TES: variants seen among roughly 807,000 people sequenced by gnomAD.
TES encodes testin.
Under a neutral mutation model 48.2 loss-of-function variants are expected in TES, and 41 were observed. The ratio of observed to expected loss-of-function variants is 0.85; its 90% CI spans 0.66 to 1.10. The LOEUF is 1.10. Ranked by LOEUF, TES falls within the 50% of genes least tolerant of loss-of-function variation. TES has a pLI of 0.00. For synonymous variants in TES, 162 were observed against 174.9 expected (o/e 0.93, Z 0.58); for missense variants, 463 against 515.1 (o/e 0.90, Z 0.98).
chr7:116,210,891 T>A (rs1390584280), intron 1 of TES, 157 bp downstream of exon 1: 4 of 540,910 alleles, frequency 7.4e-6, no homozygotes, highest in Non-Finnish European at 1.1e-5. Flanking sequence ...CCTGGCCCCC[T>A]GGGTAGAGGA....
In TES at chr7:116,210,724, A is replaced by G; in HGVS notation, c.17A>G (p.Lys6Arg). The G allele has an allele frequency of 8.0e-7, 1 of 1,255,360 alleles. No homozygotes were observed. Among genetic ancestry groups the G allele is most frequent in the Non-Finnish European group, 1.0e-6 (1 of 989,980 alleles). The allele number at this position is 1,255,360 out of a possible 1,614,324, so 77.8% of individuals were successfully genotyped here. The change falls in exon 1 of 7, where the codon AAA becomes AGA. Residue 6 changes from lysine (K) to arginine (R), a missense_variant. Physicochemically the swap from Lys to Arg is conservative, Grantham distance 26 (BLOSUM62 2). Transcript: ENST00000358204. ...CGCGTTAACATGGACCTGGAAAACA[A>G]AGTGAAGAAGGTAGGGGGGCGCTCG... The part of the protein sequence containing the change: MDLEN[K>R]VKKMGLGHEQ...
chr7:116,213,817 C>T (rs1183447505), intron 1 of TES, among the ~76,000 whole-genome samples: 1 of 151,766 alleles, frequency 6.6e-6, no homozygotes, highest in Non-Finnish European at 1.5e-5. Flanking sequence ...TTTTAAGTCT[C>T]ATCTTAATTG....
rs193235420 is a variant in TES at position 116,220,683 on chromosome 7, C to T, written c.27+9949C>T. Among the ~76,000 whole-genome samples the T allele has an allele frequency of 7.9e-5, 12 of 152,262 alleles. 1 individual carries two copies. The highest frequency in any genetic ancestry group is 6.5e-4 in the Admixed American group (10 of 15,292). On this transcript the variant is annotated intron_variant, in intron 1 of 6. Transcript: ENST00000358204. ...TTAGACCTTAGTACCAATAAGTAAA[C>T]ATTTTGAGAACCAGAACTGCATTAA...
chr7:116,212,012 C>T (rs767649013), intron 1 of TES, among the ~76,000 whole-genome samples: 1 of 152,066 alleles, frequency 6.6e-6, no homozygotes, highest in African/African-American at 2.4e-5. Context: ...CATTTGGTTT[C>T]TTTCTTTTTT....
rs538505385 is a variant in TES at position 116,247,172 on chromosome 7, G to A, written c.114-1848G>A. Among the ~76,000 whole-genome samples the A allele has an allele frequency of 1.8e-4, 27 of 151,642 alleles. No homozygotes were observed. The East Asian group carries it at 5.0e-3, about 28-fold the overall frequency. On this transcript the variant is annotated intron_variant, in intron 2 of 6. Transcript: ENST00000358204. ...TAAAATAAGGGAAGGAAAGAGAAAG[G>A]AAAAACAAAGGGAAGGAAATGGAGG...
chr7:116,239,904 A>G (rs1032075113), intron 2 of TES, among the ~76,000 whole-genome samples: 2 of 152,232 alleles, frequency 1.3e-5, no homozygotes, highest in African/African-American at 2.4e-5. Flanking sequence ...CATTGAAGGT[A>G]TAATTAATAT....
intron 2 of TES, among the ~76,000 whole-genome samples, chr7:116,242,120 C>T (rs776544952): frequency 5.7e-4 from 87 of 152,070 alleles, no homozygotes; most frequent in Non-Finnish European, 1.5e-4. Flanking sequence ...TATACGGCCT[C>T]GATCCTTTAA....
intron 6 of TES, among the ~76,000 whole-genome samples, chr7:116,253,698 T>C (rs1800052137): frequency 6.6e-6 from 1 of 152,154 alleles, no homozygotes; most frequent in South Asian, 2.1e-4. Context: ...TAATACACCG[T>C]ACTTTTCCCT....
At chr7:116,222,293 C>G (rs1215495504) in intron 1 of TES, among the ~76,000 whole-genome samples, 1 of 152,050 alleles carries the variant, frequency 6.6e-6, no homozygotes. Context: ...TTTTGCACCC[C>G]CTTTTCTGTT....
intron 1 of TES, among the ~76,000 whole-genome samples, chr7:116,218,814 C>G (rs1470609872): frequency 2.0e-5 from 3 of 151,828 alleles, no homozygotes. Context: ...GATGAGGAAC[C>G]TTTTTATAAA....
At chr7:116,219,812 G>A (rs926187775) in intron 1 of TES, among the ~76,000 whole-genome samples, 43 of 152,172 alleles carry the variant, frequency 2.8e-4, no homozygotes, top group African/African-American at 1.0e-3. Flanking sequence ...TGTATCAAGA[G>A]TATTCTGAGA....
At position 116,210,586 on chromosome 7, in the gene TES, C is replaced by G. The variant is rs1584605407; in HGVS notation, c.-122C>G. ...AAGTTCGACGGCGCCGGGCGAGTGGCTGTTGAGCGGCGCCGCGGGAGTTCC... is the reference window on the plus strand; with the variant it reads ...AAGTTCGACGGCGCCGGGCGAGTGGGTGTTGAGCGGCGCCGCGGGAGTTCC... On this transcript the variant is annotated 5_prime_UTR_variant, in exon 1 of 7. Coordinates refer to ENST00000358204, the MANE Select transcript of TES (RefSeq NM_015641.4). 2 of 1,095,418 alleles carry G rather than the reference C, an allele frequency of 1.8e-6. No homozygotes were observed. Among genetic ancestry groups the G allele is most frequent in the East Asian group, 3.4e-5 (1 of 29,204 alleles). The allele number at this position is 1,095,418 out of a possible 1,614,324, so 67.9% of individuals were successfully genotyped here. A position where few individuals can be genotyped will look rare whatever the true frequency, so the allele number is the denominator to read the frequency against.
intron 1 of TES, among the ~76,000 whole-genome samples, chr7:116,230,555 G>A (rs1351879716): frequency 1.3e-5 from 2 of 152,152 alleles, no homozygotes; most frequent in Non-Finnish European, 2.9e-5. Flanking sequence ...AGCTTGAGAG[G>A]TGCTCTTGCT....
In TES at chr7:116,257,411, A is replaced by G. The variant is rs1409446309; in HGVS notation, c.1195A>G (p.Ile399Val). 1.2e-6 allele frequency: 2 copies of G among 1,614,120 alleles called. No individual in the cohort carries two copies. The highest frequency in any genetic ancestry group is 4.5e-5 in the East Asian group (2 of 44,882). The change falls in exon 7 of 7, where the codon ATT becomes GTT. Residue 399 changes from isoleucine (I) to valine (V), a missense_variant. Transcript: ENST00000358204. ...FLCSCCSKCLIGQKFMPVEGM... is the reference protein window; with the variant it reads ...FLCSCCSKCLVGQKFMPVEGM... ...GTGCTCTTGCTGCAGCAAATGCCTC[A>G]TTGGGCAGAAGTTCATGCCAGTAGA...
intron 4 of TES, among the ~76,000 whole-genome samples, 163 bp downstream of exon 4, chr7:116,250,659 ATCGT>A: frequency 6.6e-6 from 1 of 152,340 alleles, no homozygotes; most frequent in Non-Finnish European, 1.5e-5. Flanking sequence ...ACAGAGGGTC[ATCGT>A]GTTTGAAACT....
chr7:116,250,531 T>C (rs1799991632), intron 4 of TES, 35 bp downstream of exon 4: 3 of 1,411,000 alleles, frequency 2.1e-6, no homozygotes, highest in South Asian at 3.7e-5. Flanking sequence ...GCCTGATTTG[T>C]ATACTTTACA....
chr7:116,257,515 T>TA lies in TES; in HGVS notation c.*34dup. On this transcript the variant is annotated 3_prime_UTR_variant, in exon 7 of 7. Transcript: ENST00000358204. Reference sequence around the variant, plus strand: ...GCACCCAGAAGTATCGAGCCATAGCTATCCAAAGTGGTCTGCATTTCTACT... The same window carrying TA: ...GCACCCAGAAGTATCGAGCCATAGCTAATCCAAAGTGGTCTGCATTTCTACT... 1 of 1,479,112 alleles carries TA rather than the reference T, an allele frequency of 6.8e-7. No individual in the cohort carries two copies. The highest frequency in any genetic ancestry group is 9.0e-7 in the Non-Finnish European group (1 of 1,107,840). 91.6% of individuals were successfully genotyped at this position (1,479,112 alleles called of 1,614,324 possible).
intron 6 of TES, among the ~76,000 whole-genome samples, chr7:116,256,099 G>T (rs532417675): frequency 6.6e-6 from 1 of 152,214 alleles, no homozygotes; most frequent in East Asian, 1.9e-4. Context: ...GTATCTCAGG[G>T]AAGACTGGGT....
At chr7:116,253,452 G>C (rs774286581) in intron 6 of TES, among the ~76,000 whole-genome samples, 4 of 151,806 alleles carry the variant, frequency 2.6e-5, no homozygotes, top group Admixed American at 6.6e-5. Context: ...GACTATTGCA[G>C]TGGCCTCAAA....
Sources: allele counts gnomAD v4.1 joint callset (sites outside exome capture counted in the v4.1 genomes callset), GRCh38; gene constraint gnomAD v4.1.1; transcripts MANE v1.5; gene names NCBI Gene and HGNC (gene_info 2026-07-23, HGNC 2026-07-21).